Variants in SLC12A4 observed in about 807,000 individuals in gnomAD.
SLC12A4 encodes solute carrier family 12 member 4, also known as electroneutral potassium-chloride cotransporter 1.
A neutral mutation model predicts 119.2 loss-of-function variants in SLC12A4; 84 were observed. That is an observed-to-expected ratio of 0.70 (90% CI 0.59 to 0.85). The LOEUF is 0.85. Among genes scored for constraint, SLC12A4 ranks in the 40% least tolerant of loss-of-function variants. The pLI is 0.00. For missense variants in SLC12A4, 1,298 were observed against 1,476.3 expected, an observed-to-expected ratio of 0.88 and a Z score of 1.98; for synonymous variants, 599 against 604.6, an observed-to-expected ratio of 0.99 and a Z score of 0.14.
In SLC12A4 at chr16:67,963,549, G is replaced by T. The variant is rs138697349; in HGVS notation, c.126C>A (p.Asn42Lys). Reference sequence around the variant, plus strand: ...AAAGAAAAGGGCTGCTCTCTCTGTGGTTGCCATGTCCTGTGAAGAGAGAGG... The same window carrying T: ...AAAGAAAAGGGCTGCTCTCTCTGTGTTTGCCATGTCCTGTGAAGAGAGAGG... ...AELDDSDGHG[N>K]HRESSPFLSP... Residue 42 changes from asparagine (N) to lysine (K), a missense_variant, in exon 2 of 24, where the codon AAC becomes AAA. Asn to Lys is a moderately conservative substitution (Grantham distance 94). Coordinates refer to ENST00000316341, the MANE Select transcript of SLC12A4 (RefSeq NM_005072.5). The T allele has an allele frequency of 1.5e-5, 24 of 1,579,250 alleles. No homozygotes were observed. The highest frequency in any genetic ancestry group is 2.0e-5 in the Non-Finnish European group (23 of 1,168,488).
At position 67,968,423 on chromosome 16, in the gene SLC12A4, C is replaced by A; in HGVS notation, c.115+16G>T. The A allele has an allele frequency of 6.4e-7, 1 of 1,559,298 alleles. No individual in the cohort carries two copies. Among genetic ancestry groups the A allele is most frequent in the Non-Finnish European group, 8.6e-7 (1 of 1,160,308 alleles). ...GCCCCGCTGCCCCGCCACGGCCCCT[C>A]AGAACGCGCCCTCACCGTCCGAGTC... On this transcript the variant is annotated intron_variant, in intron 1 of 23. Transcript: ENST00000316341.
rs1470223775 is a variant in SLC12A4 at position 67,950,154 on chromosome 16, T to C, written c.1629+165A>G. 1 of 812,216 alleles carries C rather than the reference T, an allele frequency of 1.2e-6. No homozygotes were observed. Among genetic ancestry groups the C allele is most frequent in the Non-Finnish European group, 1.9e-6 (1 of 525,588 alleles). 50.3% of individuals were successfully genotyped at this position (812,216 alleles called of 1,614,324 possible). A position where few individuals can be genotyped will look rare whatever the true frequency, so the allele number is the denominator to read the frequency against. ...GGGTCCAGGCAGCTCCAGGCCCAGG[T>C]GAGTGCCAGGCCCAGGGCACTTCTC... On this transcript the variant is annotated intron_variant, in intron 12 of 23. Coordinates refer to ENST00000316341, the MANE Select transcript of SLC12A4 (RefSeq NM_005072.5). The surrounding 1 kb of genome is among the most constrained non-coding windows in gnomAD (Gnocchi z 4.3).
intron 1 of SLC12A4, chr16:67,963,838 A>T: frequency 6.7e-7 from 1 of 1,494,072 alleles, no homozygotes; most frequent in Non-Finnish European, 9.1e-7. Context: ...ATGGACACTG[A>T]GGGACGGGGC....
Position 67,952,428 on chromosome 16 carries a change from G to A in SLC12A4, c.676-3C>T, listed in dbSNP as rs754822885. 4.3e-6 allele frequency: 7 copies of A among 1,613,428 alleles called. No homozygotes were observed. On this transcript the variant is annotated splice_polypyrimidine_tract_variant and splice_region_variant and intron_variant, in intron 6 of 23. Coordinates refer to ENST00000316341, the MANE Select transcript of SLC12A4 (RefSeq NM_005072.5). ...GCAGCTGGTGGGGCAATGTAGGTCT[G>A]AAACAAGAAGATGGATAAGGAGGGT...
chr16:67,955,941 C>G (rs1292962508), intron 5 of SLC12A4, among the ~76,000 whole-genome samples: 7 of 152,074 alleles, frequency 4.6e-5, no homozygotes, highest in Middle Eastern at 3.4e-3. Context: ...CTTTGGGAGG[C>G]TGAGGCAGGC....
At position 67,943,690 on chromosome 16, in the gene SLC12A4, G is replaced by A. The variant is rs2058307869; in HGVS notation, c.*1150C>T. 2 of 542,924 alleles carry A rather than the reference G, an allele frequency of 3.7e-6. No individual in the cohort carries two copies. Among genetic ancestry groups the A allele is most frequent in the East Asian group, 6.0e-5 (2 of 33,066 alleles). 33.6% of individuals were successfully genotyped at this position (542,924 alleles called of 1,614,324 possible). Reference sequence around the variant, plus strand: ...GCTGTGACTGACCACAGCTTGTGATGCCCCAGCCAAGACCTCAGGCACACC... The same window carrying A: ...GCTGTGACTGACCACAGCTTGTGATACCCCAGCCAAGACCTCAGGCACACC... On this transcript the variant is annotated 3_prime_UTR_variant, in exon 24 of 24. Coordinates refer to ENST00000316341, the MANE Select transcript of SLC12A4 (RefSeq NM_005072.5). The surrounding 1 kb of genome is among the most constrained non-coding windows in gnomAD (Gnocchi z 4.6).
intron 21 of SLC12A4, 60 bp downstream of exon 21, chr16:67,945,704 G>T: frequency 6.5e-7 from 1 of 1,543,078 alleles, no homozygotes; most frequent in Non-Finnish European, 8.9e-7. Context: ...ACCCACCGAT[G>T]CGGTCTCCAA....
At position 67,951,876 on chromosome 16, in the gene SLC12A4, T is replaced by C; in HGVS notation, c.1079A>G (p.Asn360Ser). Residue 360 changes from asparagine (N) to serine (S), a missense_variant, in exon 8 of 24, where the codon AAC becomes AGC. Physicochemically the swap from Asn to Ser is conservative, Grantham distance 46. Coordinates refer to ENST00000316341, the MANE Select transcript of SLC12A4 (RefSeq NM_005072.5). This position sits in a 1 kb window ranked among gnomAD's most constrained non-coding sequence, Gnocchi z 5.2. ...TDSCDPYFMLNNVTEIPGIPG... is the reference protein window; with the variant it reads ...TDSCDPYFMLSNVTEIPGIPG... ...GATGCCAGGGATCTCGGTCACATTG[T>C]TGAGCATGAAGTAGGGGTCACAGGA... is the stretch of plus-strand genomic sequence containing the variant. 1.2e-6 allele frequency: 2 copies of C among 1,613,858 alleles called. No homozygotes were observed. The highest frequency in any genetic ancestry group is 1.7e-6 in the Non-Finnish European group (2 of 1,180,014).
At chr16:67,947,881 G>A in intron 14 of SLC12A4, 93 bp from the exon 15 acceptor site, 4 of 1,521,078 alleles carry the variant, frequency 2.6e-6, no homozygotes, top group Admixed American at 2.0e-5. Context: ...CAGGTCCCGG[G>A]TGGGAGGTCC....
Position 67,945,786 on chromosome 16 carries a change from G to T in SLC12A4, c.2825C>A (p.Thr942Asn), listed in dbSNP as rs777885783. Reference protein sequence around the residue: ...RSQMLRQMRLTKTEREREAQL... With the variant: ...RSQMLRQMRLNKTEREREAQL... ...GACTTCTCGCTCCCGCTCAGTCTTGGTCAGTCTCATCTGCCGCAGCATCTG... is the reference window on the plus strand; with the variant it reads ...GACTTCTCGCTCCCGCTCAGTCTTGTTCAGTCTCATCTGCCGCAGCATCTG... Residue 942 changes from threonine (T) to asparagine (N), a missense_variant, in exon 21 of 24, where the codon ACC (threonine) becomes AAC (asparagine). Transcript: ENST00000316341. 13 of 1,613,584 alleles carry T rather than the reference G, an allele frequency of 8.1e-6. No homozygotes were observed. Among genetic ancestry groups the T allele is most frequent in the Admixed American group, 6.7e-5 (4 of 60,002 alleles).
Position 67,943,761 on chromosome 16 carries a change from A to G in SLC12A4, c.*1079T>C, listed in dbSNP as rs2058309208. 2 of 609,572 alleles carry G rather than the reference A, an allele frequency of 3.3e-6. No homozygotes were observed. The highest frequency in any genetic ancestry group is 2.3e-5 in the South Asian group (1 of 43,806). The allele number at this position is 609,572 out of a possible 1,614,324, so 37.8% of individuals were successfully genotyped here. The stretch of plus-strand genomic sequence containing the variant: ...CCTGGGTTAGACAACTGAGAGTCAC[A>G]GTGTGGTGGGAGAAGGGACGTCATT... On this transcript the variant is annotated 3_prime_UTR_variant, in exon 24 of 24. Transcript: ENST00000316341. The surrounding 1 kb of genome is among the most constrained non-coding windows in gnomAD (Gnocchi z 4.6).
rs1432502513 is a variant in SLC12A4 at position 67,951,779 on chromosome 16, C to G, written c.1132+44G>C. 1.3e-6 allele frequency: 2 copies of G among 1,529,272 alleles called. No individual in the cohort carries two copies. The highest frequency in any genetic ancestry group is 3.8e-5 in the Admixed American group (2 of 52,946). The allele number at this position is 1,529,272 out of a possible 1,614,324, so 94.7% of individuals were successfully genotyped here. A position where few individuals can be genotyped will look rare whatever the true frequency, so the allele number is the denominator to read the frequency against. On this transcript the variant is annotated intron_variant, in intron 8 of 23. Transcript: ENST00000316341. The surrounding 1 kb of genome is among the most constrained non-coding windows in gnomAD (Gnocchi z 5.2). ...CAGCTCTGTGCTCTGTGCCCCTGCTCAGCCTGTGGGCTCAAGAGCAAGACG... is the reference window on the plus strand; with the variant it reads ...CAGCTCTGTGCTCTGTGCCCCTGCTGAGCCTGTGGGCTCAAGAGCAAGACG...
chr16:67,957,760 T>C lies in SLC12A4; in HGVS notation c.526A>G (p.Thr176Ala), dbSNP rs1240198471. The C allele has an allele frequency of 6.2e-7, 1 of 1,613,606 alleles. No individual in the cohort carries two copies. The highest frequency in any genetic ancestry group is 8.5e-7 in the Non-Finnish European group (1 of 1,180,014). ...LTAISMSAIA[T>A]NGVVPAGGSY... ...CACTGACCTGGAACCACACCGTTGG[T>C]GGCGATGGCACTCATGGAGATGGCC... Residue 176 changes from threonine (T) to alanine (A), a missense_variant, in exon 5 of 24, where the codon ACC becomes GCC. By Grantham distance (58) the Thr-to-Ala change is moderately conservative (BLOSUM62 0). Transcript: ENST00000316341.
intron 5 of SLC12A4, among the ~76,000 whole-genome samples, chr16:67,955,847 C>G (rs1017781234): frequency 3.3e-5 from 5 of 150,972 alleles, no homozygotes; most frequent in African/African-American, 4.9e-5. Context: ...CCACTTCACT[C>G]TAGCCTGGCG....
rs1228139965 is a variant in SLC12A4, at chr16:67,951,087, G to A, written c.1298-27C>T. 2.5e-6 allele frequency: 4 copies of A among 1,613,828 alleles called. No individual in the cohort carries two copies. The highest frequency in any genetic ancestry group is 3.4e-6 in the Non-Finnish European group (4 of 1,179,924). Reference sequence around the variant, plus strand: ...TCCAAAAACAGATGAGACTCCCTCAGGGGCTCCCCGGGATTGGGGACAGGG... The same window carrying A: ...TCCAAAAACAGATGAGACTCCCTCAAGGGCTCCCCGGGATTGGGGACAGGG... On this transcript the variant is annotated intron_variant, in intron 9 of 23. Coordinates refer to ENST00000316341, the MANE Select transcript of SLC12A4 (RefSeq NM_005072.5). The surrounding 1 kb of genome is among the most constrained non-coding windows in gnomAD (Gnocchi z 5.2).
chr16:67,947,389 C>T lies in SLC12A4; in HGVS notation c.2014G>A (p.Ala672Thr), dbSNP rs755501835. The T allele has an allele frequency of 7.4e-6, 12 of 1,612,738 alleles. No homozygotes were observed. The highest frequency in any genetic ancestry group is 4.4e-5 in the South Asian group (4 of 91,074). ...AGCCGCAACAGCGCGTAGCGGGCAG[C>T]GCTCAGGGACAGGCCTCGGATCCCG... ...GDGIRGLSLS[A>T]ARYALLRLEE... Residue 672 changes from alanine to threonine, a missense_variant, in exon 16 of 24, where the codon GCT becomes ACT. Ala to Thr is a moderately conservative substitution (Grantham distance 58, BLOSUM62 0). Coordinates refer to ENST00000316341, the MANE Select transcript of SLC12A4 (RefSeq NM_005072.5).
In SLC12A4 at chr16:67,944,037, G is replaced by A. The variant is rs1192138987; in HGVS notation, c.*803C>T. The A allele has an allele frequency of 6.5e-7, 1 of 1,547,484 alleles. No homozygotes were observed. The highest frequency in any genetic ancestry group is 2.0e-5 in the Admixed American group (1 of 50,898). ...CACATTGAGGAGCCAGAAGGGGGCG[G>A]CAGGAGGGAGCAGCAGCCCCAGCAG... On this transcript the variant is annotated 3_prime_UTR_variant, in exon 24 of 24. Transcript: ENST00000316341. The surrounding 1 kb of genome is among the most constrained non-coding windows in gnomAD (Gnocchi z 6.6).
rs750976416 is a variant in SLC12A4 at position 67,957,971 on chromosome 16, AG to A, written c.415del (p.Leu139CysfsTer3). On this transcript the variant is annotated frameshift_variant, in exon 4 of 24. Coordinates refer to ENST00000316341, the MANE Select transcript of SLC12A4 (RefSeq NM_005072.5). LOFTEE classifies it high-confidence loss of function. ...LQNIFGVILF[L>X]RLTWMVGTAG... ...TGTGCCCACCATCCAGGTCAGCCGCAGGAAGAGGATAACCCCAAAGATATTC... is the reference window on the plus strand; with the variant it reads ...TGTGCCCACCATCCAGGTCAGCCGCAGAAGAGGATAACCCCAAAGATATTC... The A allele has an allele frequency of 2.0e-5, 32 of 1,614,124 alleles. No homozygotes were observed. Among genetic ancestry groups the A allele is most frequent in the Non-Finnish European group, 2.5e-5 (29 of 1,180,044 alleles).
rs1249972734 is a variant in SLC12A4, at chr16:67,952,340, T to A, written c.761A>T (p.Tyr254Phe). The stretch of plus-strand genomic sequence containing the variant: ...CATGAAGGTCAGGAAAATGGTCCCA[T>A]ACACACGCATATTGTTCAAAGTGGC... ...SNATLNNMRV[Y>F]GTIFLTFMTL... Residue 254 changes from tyrosine (Y) to phenylalanine (F), a missense_variant, in exon 7 of 24, where the codon TAT becomes TTT. By Grantham distance (22) the Tyr-to-Phe change is conservative. Transcript: ENST00000316341. 6.2e-7 allele frequency: 1 copy of A among 1,614,140 alleles called. No individual in the cohort carries two copies. The highest frequency in any genetic ancestry group is 8.5e-7 in the Non-Finnish European group (1 of 1,180,018).
Sources: gnomAD v4.1 joint callset for allele counts (sites outside exome capture counted in the v4.1 genomes callset) on GRCh38, gnomAD v4.1.1 for gene constraint, Gnocchi (gnomAD v3.1) non-coding constraint, MANE v1.5 for transcripts, NCBI Gene and HGNC (gene_info 2026-07-23, HGNC 2026-07-21) for gene names.